The following DST variants were observed in gnomAD, a reference collection of about 807,000 sequenced individuals.
DST encodes bullous pemphigoid antigen.
In DST, 253 loss-of-function variants were observed where a neutral mutation model predicts 875.2. The ratio of observed to expected loss-of-function variants is 0.29; its 90% CI spans 0.26 to 0.32. DST has a LOEUF of 0.32. Ranked by LOEUF, DST falls within the 10% of genes least tolerant of loss-of-function variation. The pLI is 1.00. For synonymous variants in DST, 3,124 were observed against 3,197.1 expected (o/e 0.98, Z 0.77); for missense variants, 8,287 against 9,111.6 (o/e 0.91, Z 3.68).
At chr6:56,692,792 A>C (rs1248665050) in intron 9 of DST, 6 of 1,289,692 alleles carry the variant, frequency 4.7e-6, no homozygotes, top group Non-Finnish European at 6.1e-6. Context: ...ACACAGTCAG[A>C]CCAACTGCTT....
chr6:56,562,230 C>G, intron 55 of DST, 30 bp from the exon 56 acceptor site: 1 of 1,455,434 alleles, frequency 6.9e-7, no homozygotes, highest in African/African-American at 1.4e-5. Context: ...AAAATAATCA[C>G]AGTTTCATAG....
In DST at chr6:56,870,656, G is replaced by A. The variant is rs551794515; in HGVS notation, c.418-19052C>T. On this transcript the variant is annotated intron_variant, in intron 3 of 103. Coordinates refer to ENST00000680361, the MANE Select transcript of DST (RefSeq NM_001374736.1). ...CAGGCACCTGTAATCCCAGCTACTCGGGAGGCTGAGGCAGGAGAATCACTT... is the reference window on the plus strand; with the variant it reads ...CAGGCACCTGTAATCCCAGCTACTCAGGAGGCTGAGGCAGGAGAATCACTT... 8.6e-5 allele frequency among the ~76,000 whole-genome samples: 13 copies of A among 151,926 alleles called. No homozygotes were observed. The East Asian group carries it at 9.7e-4, about 11-fold the overall frequency.
intron 4 of DST, among the ~76,000 whole-genome samples, chr6:56,746,432 G>T (rs1310754302): frequency 1.3e-5 from 2 of 152,096 alleles, no homozygotes; most frequent in Admixed American, 1.3e-4. Flanking sequence ...CAAAATATTT[G>T]AAACAATTTA....
chr6:56,679,918 C>A (rs2099149161), intron 9 of DST, among the ~76,000 whole-genome samples: 1 of 152,188 alleles, frequency 6.6e-6, no homozygotes, highest in Non-Finnish European at 1.5e-5. Context: ...CTGCTACCCA[C>A]AAACTTTGCT....
At chr6:56,905,589 C>A (rs1348407621) in intron 2 of DST, among the ~76,000 whole-genome samples, 1 of 151,844 alleles carries the variant, frequency 6.6e-6, no homozygotes, top group Non-Finnish European at 1.5e-5. Context: ...GCCAGGATTT[C>A]CTTCATTTTT....
chr6:56,563,112 T>C (rs902682663), intron 55 of DST, among the ~76,000 whole-genome samples: 1 of 152,126 alleles, frequency 6.6e-6, no homozygotes, highest in African/African-American at 2.4e-5. Flanking sequence ...AGTAATAGGA[T>C]TGCTGGGTCA....
chr6:56,547,569 A>G (rs1486233275), intron 61 of DST, among the ~76,000 whole-genome samples: 1 of 152,196 alleles, frequency 6.6e-6, no homozygotes, highest in East Asian at 1.9e-4. Flanking sequence ...TAATTTCCCC[A>G]TTCTTAATAA....
In DST at chr6:56,608,942, C is replaced by G. The variant is rs767061342; in HGVS notation, c.5686G>C (p.Ala1896Pro). The G allele has an allele frequency of 1.9e-6, 3 of 1,613,790 alleles. No individual in the cohort carries two copies. The East Asian group carries it at 6.7e-5, about 36-fold the overall frequency. ...ATGEQLTLQK[A>P]FQQNLVSSAL... ...GAGGAAACCAAGTTCTGTTGGAAAGCCTTCTGTAGGGTCAACTGTTCTCCT... is the reference window on the plus strand; with the variant it reads ...GAGGAAACCAAGTTCTGTTGGAAAGGCTTCTGTAGGGTCAACTGTTCTCCT... The change falls in exon 40 of 104, where the codon GCT becomes CCT. Residue 1896 changes from alanine to proline, a missense_variant. Ala to Pro is a conservative substitution (Grantham distance 27). Around this residue, in one of 10 missense-constraint regions of DST, gnomAD observed 3,138 missense variants for 3,116.6 expected, o/e 1.01. Coordinates refer to ENST00000680361, the MANE Select transcript of DST (RefSeq NM_001374736.1).
intron 99 of DST, among the ~76,000 whole-genome samples, 161 bp downstream of exon 99, chr6:56,465,913 TTACA>T (rs1469814372): frequency 7.3e-5 from 11 of 151,446 alleles, no homozygotes; most frequent in Non-Finnish European, 1.5e-4. Context: ...AGAATATGGT[TTACA>T]TGACTGCCAC....
intron 4 of DST, among the ~76,000 whole-genome samples, chr6:56,758,297 G>A (rs1487426247): frequency 6.6e-6 from 1 of 152,182 alleles, no homozygotes; most frequent in Non-Finnish European, 1.5e-5. Context: ...GGCCCTTGAA[G>A]GGGAATACAG....
rs1202435794 is a variant in DST at position 56,609,233 on chromosome 6, C to G, written c.5395G>C (p.Glu1799Gln). 1 of 1,613,708 alleles carries G rather than the reference C, an allele frequency of 6.2e-7. No homozygotes were observed. The highest frequency in any genetic ancestry group is 8.5e-7 in the Non-Finnish European group (1 of 1,179,696). The change falls in exon 40 of 104, where the codon GAG becomes CAG. Residue 1799 changes from glutamate to glutamine, a missense_variant. Physicochemically the swap from Glu to Gln is conservative, Grantham distance 29 (BLOSUM62 2). Around this residue, in one of 10 missense-constraint regions of DST, gnomAD observed 3,138 missense variants for 3,116.6 expected, o/e 1.01. Transcript: ENST00000680361. ...AGACCAGAAATCATTAGCTGTGTCT[C>G]AAGCAACCTAATTCCTGTGTCATAG... Reference protein sequence around the residue: ...IDYDTGIRLLETQLMISGLIS... With the variant: ...IDYDTGIRLLQTQLMISGLIS...
rs777611530 is a variant in DST, at chr6:56,619,021, G to T, written c.4930-4537C>A. 3.7e-6 allele frequency: 6 copies of T among 1,613,920 alleles called. No homozygotes were observed. The Middle Eastern group carries it at 4.9e-4, about 133-fold the overall frequency. ...CTTTCTTGGTATTCTGGATGATAAT[G>T]TTCTGTTGGTCACACTTTTGCTTAA... On this transcript the variant is annotated intron_variant, in intron 36 of 103. Coordinates refer to ENST00000680361, the MANE Select transcript of DST (RefSeq NM_001374736.1).
chr6:56,884,798 G>A (rs745369163), intron 3 of DST, among the ~76,000 whole-genome samples: 5 of 151,958 alleles, frequency 3.3e-5, no homozygotes, highest in Admixed American at 1.3e-4. Flanking sequence ...GCGCGATCTC[G>A]GCTCAATGCA....
chr6:56,605,950 CT>C lies in DST; in HGVS notation c.8677del (p.Ser2893AlafsTer19). The C allele has an allele frequency of 1.2e-6, 2 of 1,612,542 alleles. No homozygotes were observed. The highest frequency in any genetic ancestry group is 1.3e-5 in the African/African-American group (1 of 74,958). On this transcript the variant is annotated frameshift_variant, in exon 40 of 104. Coordinates refer to ENST00000680361, the MANE Select transcript of DST (RefSeq NM_001374736.1). LOFTEE classifies it high-confidence loss of function. Reference sequence around the variant, plus strand: ...CTCAGTTGTATATTCTGGAAGGTTGCTTTTTTCAGTAACTAAGTTATTTTCA... The same window carrying C: ...CTCAGTTGTATATTCTGGAAGGTTGCTTTTTCAGTAACTAAGTTATTTTCA... ...PSENNLVTEK[S>X]NLPEYTTEIA...
At chr6:56,874,052 A>G (rs1045783420) in intron 3 of DST, among the ~76,000 whole-genome samples, 64 of 152,300 alleles carry the variant, frequency 4.2e-4, no homozygotes, top group African/African-American at 1.5e-3. Context: ...AGGCTGTAGT[A>G]TACTTTACAC....
intron 4 of DST, among the ~76,000 whole-genome samples, chr6:56,810,055 A>C (rs2099758061): frequency 6.6e-6 from 1 of 152,206 alleles, no homozygotes; most frequent in Non-Finnish European, 1.5e-5. Context: ...GGCCAGGTAA[A>C]GTGGCTCACA....
intron 2 of DST, among the ~76,000 whole-genome samples, chr6:56,910,140 A>T (rs750622344): frequency 2.6e-5 from 4 of 152,180 alleles, no homozygotes; most frequent in African/African-American, 4.8e-5. Flanking sequence ...TCTGTTTTGG[A>T]AAAGTCTAGG....
intron 9 of DST, among the ~76,000 whole-genome samples, chr6:56,697,368 A>C (rs1588776648): frequency 1.3e-5 from 2 of 152,222 alleles, no homozygotes; most frequent in South Asian, 4.2e-4. Flanking sequence ...ATCTATTTTA[A>C]TGGATGTTGT....
chr6:56,893,000 T>C (rs948461961), intron 3 of DST, among the ~76,000 whole-genome samples: 2 of 152,190 alleles, frequency 1.3e-5, no homozygotes, highest in African/African-American at 4.8e-5. Context: ...TGTTATCACT[T>C]TATTTATTTT....
Sources: allele counts gnomAD v4.1 joint callset (sites outside exome capture counted in the v4.1 genomes callset), GRCh38; gene constraint gnomAD v4.1.1; regional missense constraint gnomAD v4.1.1; transcripts MANE v1.5; gene names NCBI Gene and HGNC (gene_info 2026-07-23, HGNC 2026-07-21).